Variants in GOLGA4 observed in about 807,000 individuals in gnomAD.
GOLGA4 encodes the protein golgin subfamily A member 4.
Under a neutral mutation model 265.9 loss-of-function variants are expected in GOLGA4, and 169 were observed. The observed-to-expected ratio is 0.64, with a 90% CI of 0.56 to 0.72. The LOEUF is 0.72. Ranked by LOEUF, GOLGA4 falls within the 30% of genes least tolerant of loss-of-function variation. The pLI is 0.00. For synonymous variants in GOLGA4, 923 were observed against 855.8 expected, an observed-to-expected ratio of 1.08 and a Z score of -1.37; for missense variants, 2,482 against 2,483.4, an observed-to-expected ratio of 1.00 and a Z score of 0.01.
intron 2 of GOLGA4, among the ~76,000 whole-genome samples, chr3:37,280,227 T>C (rs1373421891): frequency 6.6e-6 from 1 of 152,200 alleles, no homozygotes; most frequent in East Asian, 1.9e-4. Flanking sequence ...GAAGTACTTA[T>C]GGGTGAATAA....
chr3:37,349,573 C>T (rs958325153), intron 21 of GOLGA4, among the ~76,000 whole-genome samples: 3 of 152,140 alleles, frequency 2.0e-5, no homozygotes, highest in African/African-American at 4.8e-5. Context: ...ACAGAGAATG[C>T]AGGGCCTTGA....
intron 21 of GOLGA4, among the ~76,000 whole-genome samples, chr3:37,348,403 CTT>C (rs540088481): frequency 1.3e-5 from 2 of 151,172 alleles, no homozygotes; most frequent in Admixed American, 6.6e-5. Flanking sequence ...AATTCAGTGT[CTT>C]TTTTTTTCCT....
intron 5 of GOLGA4, among the ~76,000 whole-genome samples, chr3:37,293,256 C>T (rs77984836): frequency 0.02 from 3,106 of 152,232 alleles, 38 homozygotes; most frequent in Non-Finnish European, 0.031. Flanking sequence ...GAATGTGGCC[C>T]AGCACAAATT....
intron 3 of GOLGA4, among the ~76,000 whole-genome samples, chr3:37,284,001 G>A (rs905979224): frequency 2.0e-5 from 3 of 152,102 alleles, no homozygotes; most frequent in African/African-American, 7.2e-5. Flanking sequence ...TTGATTTTAG[G>A]TCTTTCTGGT....
intron 10 of GOLGA4, among the ~76,000 whole-genome samples, chr3:37,307,388 AAC>A (rs2096909232): frequency 1.3e-5 from 2 of 152,230 alleles, no homozygotes; most frequent in Non-Finnish European, 2.9e-5. Flanking sequence ...ATTTTTATAT[AAC>A]AAACCAAAAT....
At chr3:37,320,220 T>A (rs2150947180) in intron 12 of GOLGA4, 1 of 152,208 alleles carries the variant, frequency 6.6e-6, no homozygotes, top group East Asian at 1.9e-4. Flanking sequence ...ACAAAAAATA[T>A]TTTTCTTCAC....
chr3:37,312,084 A>G (rs2096924557), intron 10 of GOLGA4, among the ~76,000 whole-genome samples: 1 of 152,226 alleles, frequency 6.6e-6, no homozygotes, highest in African/African-American at 2.4e-5. Flanking sequence ...AAGGGTATCA[A>G]AACTGTCTTC....
chr3:37,275,575 G>C, intron 2 of GOLGA4: 1 of 1,178,588 alleles, frequency 8.5e-7, no homozygotes, highest in Non-Finnish European at 1.3e-6. Context: ...GCCTAGGCCC[G>C]GGCCTGCGGT....
chr3:37,272,063 C>G (rs1207683470), intron 2 of GOLGA4, among the ~76,000 whole-genome samples: 1 of 152,126 alleles, frequency 6.6e-6, no homozygotes. Flanking sequence ...GCTCAGGGCT[C>G]CCACTGATTC....
Position 37,326,584 on chromosome 3 carries a change from T to TC in GOLGA4, c.4699dup (p.Gln1567ProfsTer15). ...AACACAAAGAATTGGTTCAGAAACT[T>TC]CAACATTTTCAAGAGTTAGGAGAAG... is the stretch of plus-strand genomic sequence containing the variant. On this transcript the variant is annotated frameshift_variant, in exon 14 of 24. Transcript: ENST00000361924. LOFTEE classifies it high-confidence loss of function. The TC allele has an allele frequency of 6.2e-7, 1 of 1,613,120 alleles. No homozygotes were observed.
At position 37,337,176 on chromosome 3, in the gene GOLGA4, C is replaced by CT; in HGVS notation, c.6327+15dup. 7.6e-7 allele frequency: 1 copy of CT among 1,322,088 alleles called. No homozygotes were observed. Among genetic ancestry groups the CT allele is most frequent in the Non-Finnish European group, 1.1e-6 (1 of 951,016 alleles). 81.9% of individuals were successfully genotyped at this position (1,322,088 alleles called of 1,614,324 possible). ...TATGGAGCTACAGGTAAGGCTAGTT[C>CT]TTCTTTTTTTTTTTTTCTTTTTTTT... On this transcript the variant is annotated intron_variant, in intron 18 of 23. Coordinates refer to ENST00000361924, the MANE Select transcript of GOLGA4 (RefSeq NM_002078.5).
intron 21 of GOLGA4, among the ~76,000 whole-genome samples, chr3:37,353,544 T>C (rs1160540468): frequency 6.6e-6 from 1 of 152,058 alleles, no homozygotes; most frequent in African/African-American, 2.4e-5. Flanking sequence ...ATGTATGTTA[T>C]TGTTGTTGTA....
At chr3:37,259,463 T>C (rs1207194808) in intron 2 of GOLGA4, among the ~76,000 whole-genome samples, 3 of 152,360 alleles carry the variant, frequency 2.0e-5, no homozygotes, top group Admixed American at 1.3e-4. Context: ...CAAAAACCTT[T>C]GCTTTTAACA....
chr3:37,342,730 C>G (rs2097040809), intron 20 of GOLGA4, among the ~76,000 whole-genome samples: 1 of 152,004 alleles, frequency 6.6e-6, no homozygotes, highest in Non-Finnish European at 1.5e-5. Context: ...AAATTTTTCT[C>G]TAGAATATAT....
In GOLGA4 at chr3:37,278,356, C is replaced by T. The variant is rs1450815036; in HGVS notation, c.163-3602C>T. 3.3e-5 allele frequency among the ~76,000 whole-genome samples: 5 copies of T among 152,104 alleles called. No homozygotes were observed. In the East Asian group the frequency reaches 9.7e-4, roughly 29 times the overall value. ...CTGGGATTGCAGGCACCTGACACCA[C>T]GCCTGGCTAATTTTTTGTATTTTTA... is the stretch of plus-strand genomic sequence containing the variant. On this transcript the variant is annotated intron_variant, in intron 2 of 23. Coordinates refer to ENST00000361924, the MANE Select transcript of GOLGA4 (RefSeq NM_002078.5).
At chr3:37,366,046 C>T in intron 23 of GOLGA4, 34 bp from the exon 24 acceptor site, 1 of 1,513,390 alleles carries the variant, frequency 6.6e-7, no homozygotes, top group Admixed American at 2.2e-5. Flanking sequence ...TTTTTGCCCC[C>T]TTTCTTTATT....
Position 37,324,995 on chromosome 3 carries a change from C to A in GOLGA4, c.3109C>A (p.Arg1037=), listed in dbSNP as rs759500565. The change falls in exon 14 of 24, where the codon CGA becomes AGA. Residue 1037 remains arginine, a synonymous_variant. Coordinates refer to ENST00000361924, the MANE Select transcript of GOLGA4 (RefSeq NM_002078.5). ...AATAGAAAGTCTTACTGAGGTTCAT[C>A]GACGAGAACTCAATGATGTCATATC... ...EQIESLTEVH[R]RELNDVISIW... 6.2e-7 allele frequency: 1 copy of A among 1,612,440 alleles called. No individual in the cohort carries two copies. Among genetic ancestry groups the A allele is most frequent in the African/African-American group, 1.3e-5 (1 of 74,858 alleles).
intron 10 of GOLGA4, among the ~76,000 whole-genome samples, chr3:37,310,230 C>T (rs1295009929): frequency 1.3e-5 from 2 of 152,100 alleles, no homozygotes; most frequent in Admixed American, 6.6e-5. Context: ...TTCTCTGGGG[C>T]AGTGTAACAA....
chr3:37,326,800 A>G lies in GOLGA4; in HGVS notation c.4914A>G (p.Ala1638=). ...RLESESAAKL[A]ELKRKAEQKI... The stretch of plus-strand genomic sequence containing the variant: ...AGTCAGAAAGTGCTGCAAAATTAGC[A>G]GAGTTGAAGAGAAAAGCTGAACAAA... Residue 1638 remains alanine, a synonymous_variant, in exon 14 of 24, where the codon GCA becomes GCG. Transcript: ENST00000361924. The G allele has an allele frequency of 6.2e-7, 1 of 1,613,704 alleles. No homozygotes were observed. Among genetic ancestry groups the G allele is most frequent in the Non-Finnish European group, 8.5e-7 (1 of 1,179,746 alleles).
Sources: allele counts gnomAD v4.1 joint callset (sites outside exome capture counted in the v4.1 genomes callset), GRCh38; gene constraint gnomAD v4.1.1; transcripts MANE v1.5; gene names NCBI Gene and HGNC (gene_info 2026-07-23, HGNC 2026-07-21).